The following ARL8B variants were observed in gnomAD, a reference collection of about 807,000 sequenced individuals.
The protein encoded by ARL8B is ARF like GTPase 8B.
ARL8B carries 9 observed loss-of-function variants against 30.6 expected under a neutral mutation model. The observed-to-expected ratio is 0.29, with a 90% CI of 0.18 to 0.51. The LOEUF (loss-of-function observed/expected upper bound fraction) is 0.51, where lower values mean the gene tolerates loss of function less well. Ranked by LOEUF, ARL8B falls within the 20% of genes least tolerant of loss-of-function variation. The pLI is 0.97. For missense variants in ARL8B, 130 were observed against 227.2 expected, an observed-to-expected ratio of 0.57 and a Z score of 2.75; for synonymous variants, 74 against 76.0, an observed-to-expected ratio of 0.97 and a Z score of 0.14.
chr3:5,165,286 T>C (rs1228215669), intron 1 of ARL8B, among the ~76,000 whole-genome samples: 1 of 152,316 alleles, frequency 6.6e-6, no homozygotes, highest in East Asian at 1.9e-4. Context: ...TTTTTCTTAC[T>C]AATGTAAATT....
chr3:5,130,318 C>A (rs1241294607), intron 1 of ARL8B, among the ~76,000 whole-genome samples: 1 of 152,116 alleles, frequency 6.6e-6, no homozygotes, highest in African/African-American at 2.4e-5. Flanking sequence ...AGCCACCACG[C>A]CTGCCCCTGA....
intron 1 of ARL8B, among the ~76,000 whole-genome samples, chr3:5,142,995 A>G (rs1490134769): frequency 6.6e-6 from 1 of 152,222 alleles, no homozygotes; most frequent in Admixed American, 6.5e-5. Context: ...CCAACCCTGA[A>G]TTGGGTGGTT....
intron 1 of ARL8B, among the ~76,000 whole-genome samples, chr3:5,124,400 C>T (rs1165279922): frequency 6.6e-6 from 1 of 151,494 alleles, no homozygotes; most frequent in Non-Finnish European, 1.5e-5. Context: ...GCCACCGTTC[C>T]TGGCCTAATA....
intron 6 of ARL8B, among the ~76,000 whole-genome samples, chr3:5,175,629 A>G (rs868409285): frequency 7.2e-5 from 11 of 152,266 alleles, no homozygotes; most frequent in African/African-American, 2.2e-4. Context: ...TTAGAACAGC[A>G]GAAACTTAAG....
At chr3:5,126,955 G>T (rs890994726) in intron 1 of ARL8B, among the ~76,000 whole-genome samples, 1 of 152,166 alleles carries the variant, frequency 6.6e-6, no homozygotes, top group Non-Finnish European at 1.5e-5. Context: ...AAATCTTATG[G>T]ACATTATGTA....
intron 1 of ARL8B, among the ~76,000 whole-genome samples, chr3:5,158,894 G>C (rs540457029): frequency 2.6e-4 from 39 of 152,168 alleles, no homozygotes; most frequent in African/African-American, 9.2e-4. Flanking sequence ...AATTCATTCT[G>C]TTGTTTATGG....
intron 1 of ARL8B, among the ~76,000 whole-genome samples, chr3:5,163,755 A>T (rs1268242221): frequency 6.6e-6 from 1 of 152,124 alleles, no homozygotes. Flanking sequence ...GTGTAATCCC[A>T]GCTACTCGGG....
intron 1 of ARL8B, among the ~76,000 whole-genome samples, chr3:5,136,765 GAC>G (rs2054329193): frequency 6.8e-6 from 1 of 146,528 alleles, no homozygotes; most frequent in Non-Finnish European, 1.5e-5. Flanking sequence ...ATGATGGAGA[GAC>G]TGAGACGCCC....
At chr3:5,128,706 C>T (rs940778691) in intron 1 of ARL8B, 12 of 208,648 alleles carry the variant, frequency 5.8e-5, no homozygotes, top group African/African-American at 2.6e-4. Context: ...AATACAGGCT[C>T]ATTAGCGGAG....
At chr3:5,164,273 T>C (rs943404707) in intron 1 of ARL8B, among the ~76,000 whole-genome samples, 1 of 152,246 alleles carries the variant, frequency 6.6e-6, no homozygotes, top group Non-Finnish European at 1.5e-5. Context: ...TTCTTTATGA[T>C]TGATTCTGTT....
At chr3:5,133,964 C>A (rs1010290820) in intron 1 of ARL8B, among the ~76,000 whole-genome samples, 5 of 151,740 alleles carry the variant, frequency 3.3e-5, no homozygotes, top group Non-Finnish European at 5.9e-5. Context: ...CCCCACACCC[C>A]TGGAAAAAAA....
chr3:5,125,047 G>T (rs777321161), intron 1 of ARL8B, among the ~76,000 whole-genome samples: 16 of 152,204 alleles, frequency 1.1e-4, no homozygotes, highest in Non-Finnish European at 2.1e-4. Context: ...AGACAGTGTA[G>T]CTTAATGAGC....
chr3:5,141,847 G>A (rs2054376268), intron 1 of ARL8B, among the ~76,000 whole-genome samples: 1 of 152,144 alleles, frequency 6.6e-6, no homozygotes, highest in African/African-American at 2.4e-5. Context: ...GGTGTCCTGA[G>A]TATAATTGAT....
At chr3:5,165,645 C>T (rs2054617401) in intron 1 of ARL8B, among the ~76,000 whole-genome samples, 1 of 151,970 alleles carries the variant, frequency 6.6e-6, no homozygotes, top group African/African-American at 2.4e-5. Context: ...GATAACTACA[C>T]CCTTAAAAAA....
At chr3:5,163,135 G>A (rs1011666626) in intron 1 of ARL8B, among the ~76,000 whole-genome samples, 1 of 151,926 alleles carries the variant, frequency 6.6e-6, no homozygotes, top group Non-Finnish European at 1.5e-5. Flanking sequence ...CTACAGGTGT[G>A]TGCCACCACA....
In ARL8B at chr3:5,143,005, T is replaced by A. The variant is rs576014857; in HGVS notation, c.123+20417T>A. Among the ~76,000 whole-genome samples the A allele has an allele frequency of 4.6e-5, 7 of 152,370 alleles. No individual in the cohort carries two copies. The East Asian group carries it at 1.2e-3, about 25-fold the overall frequency. ...ACTGTCCAACCCTGAATTGGGTGGT[T>A]CACCATACATCATCCCAGCTGGGGC... On this transcript the variant is annotated intron_variant, in intron 1 of 6. Coordinates refer to ENST00000256496, the MANE Select transcript of ARL8B (RefSeq NM_018184.3).
intron 1 of ARL8B, 50 bp from the exon 2 acceptor site, chr3:5,170,453 A>G: frequency 8.1e-7 from 1 of 1,238,006 alleles, no homozygotes; most frequent in South Asian, 1.3e-5. Flanking sequence ...AAGTTTATGC[A>G]GTGTCATTAT....
chr3:5,174,699 T>C (rs1397885898), intron 6 of ARL8B, among the ~76,000 whole-genome samples: 1 of 53,826 alleles, frequency 1.9e-5, no homozygotes, highest in Non-Finnish European at 3.3e-5. Context: ...TTATATGTAA[T>C]ATATATGTAA....
chr3:5,165,232 CCTTTT>C (rs2054614084), intron 1 of ARL8B, among the ~76,000 whole-genome samples: 1 of 151,922 alleles, frequency 6.6e-6, no homozygotes, highest in African/African-American at 2.4e-5. Context: ...TTATTACCTT[CCTTTT>C]AAGTACTTTG....
Sources: gnomAD v4.1 joint callset for allele counts (sites outside exome capture counted in the v4.1 genomes callset) on GRCh38, gnomAD v4.1.1 for gene constraint, MANE v1.5 for transcripts, NCBI Gene and HGNC (gene_info 2026-07-23, HGNC 2026-07-21) for gene names.